The following FAM135A variants were observed in gnomAD, a reference collection of about 807,000 sequenced individuals.
FAM135A encodes the protein protein FAM135A.
Under a neutral mutation model 146.8 loss-of-function variants are expected in FAM135A, and 79 were observed. That is an observed-to-expected ratio of 0.54 (90% CI 0.45 to 0.65). The LOEUF is 0.65. FAM135A is among the 30% of genes least tolerant of loss of function. FAM135A has a pLI of 0.00. For missense variants in FAM135A, 1,623 were observed against 1,758.2 expected, an observed-to-expected ratio of 0.92 and a Z score of 1.38; for synonymous variants, 562 against 603.6, an observed-to-expected ratio of 0.93 and a Z score of 1.01.
chr6:70,520,054 A>T (rs1793214281), intron 12 of FAM135A, among the ~76,000 whole-genome samples: 1 of 151,990 alleles, frequency 6.6e-6, no homozygotes, highest in Non-Finnish European at 1.5e-5. Flanking sequence ...ATTTTGTGTG[A>T]TCTTTTATAG....
At chr6:70,556,683 T>C in intron 20 of FAM135A, 67 bp from the exon 21 acceptor site, 2 of 1,050,282 alleles carry the variant, frequency 1.9e-6, no homozygotes, top group Middle Eastern at 3.1e-4. Flanking sequence ...TCACTTAATA[T>C]GATACTAATA....
At chr6:70,513,994 T>G (rs1014702624) in intron 12 of FAM135A, among the ~76,000 whole-genome samples, 3 of 152,090 alleles carry the variant, frequency 2.0e-5, no homozygotes, top group African/African-American at 4.8e-5. Flanking sequence ...TTGTTTGTTT[T>G]TTTTTGTCTT....
intron 2 of FAM135A, among the ~76,000 whole-genome samples, chr6:70,425,933 T>G (rs9455098): frequency 0.021 from 3,175 of 151,342 alleles, 104 homozygotes; most frequent in African/African-American, 0.073. Context: ...GAAACCCTGT[T>G]TCTACTAAAA....
intron 1 of FAM135A, chr6:70,414,036 A>G (rs912613168): frequency 7.1e-6 from 7 of 985,544 alleles, no homozygotes; most frequent in Non-Finnish European, 8.4e-6. Context: ...CCCCTGCTCC[A>G]TCTTCGTCGC....
At chr6:70,488,376 A>T (rs1390584696) in intron 10 of FAM135A, among the ~76,000 whole-genome samples, 1 of 151,978 alleles carries the variant, frequency 6.6e-6, no homozygotes, top group Non-Finnish European at 1.5e-5. Context: ...TAAAACAGTG[A>T]CTCCAAAACT....
chr6:70,414,529 G>A (rs925231692), intron 1 of FAM135A, among the ~76,000 whole-genome samples: 2 of 135,582 alleles, frequency 1.5e-5, no homozygotes, highest in Non-Finnish European at 3.1e-5. Context: ...CCCCCCATTT[G>A]TATAAGTCAA....
chr6:70,485,974 G>T (rs907900849), intron 10 of FAM135A, among the ~76,000 whole-genome samples: 1 of 152,186 alleles, frequency 6.6e-6, no homozygotes, highest in African/African-American at 2.4e-5. Context: ...ATGTTGAGTG[G>T]CACATACATT....
chr6:70,531,177 C>T (rs1296860468), intron 16 of FAM135A, among the ~76,000 whole-genome samples: 4 of 152,200 alleles, frequency 2.6e-5, no homozygotes, highest in African/African-American at 9.6e-5. Flanking sequence ...TCAAAACACT[C>T]TAATGATAAG....
chr6:70,489,337 A>T (rs1283799419), intron 10 of FAM135A, among the ~76,000 whole-genome samples: 3 of 152,196 alleles, frequency 2.0e-5, no homozygotes, highest in African/African-American at 7.2e-5. Context: ...TTCTTTAGTT[A>T]CCAACAAGTT....
chr6:70,537,710 T>C (rs1324813898), intron 19 of FAM135A, among the ~76,000 whole-genome samples: 1 of 152,158 alleles, frequency 6.6e-6, no homozygotes, highest in Non-Finnish European at 1.5e-5. Flanking sequence ...GAAAACCAAC[T>C]TGAGTGATTG....
In FAM135A at chr6:70,454,333, A is replaced by G. The variant is rs148972343; in HGVS notation, c.157+1762A>G. ...CCCTTTGTCAGATGGGTAGATTGCAAGAATATTCTCCCATTCTGTAGGTTG... is the reference window on the plus strand; with the variant it reads ...CCCTTTGTCAGATGGGTAGATTGCAGGAATATTCTCCCATTCTGTAGGTTG... On this transcript the variant is annotated intron_variant, in intron 5 of 21. Transcript: ENST00000418814. Among the ~76,000 whole-genome samples the G allele has an allele frequency of 2.3e-3, 348 of 152,264 alleles. 4 individuals carry two copies. The highest frequency in any genetic ancestry group is 0.013 in the East Asian group (67 of 5,172).
chr6:70,502,762 T>C lies in FAM135A; in HGVS notation c.1000T>C (p.Leu334=). 6.2e-7 allele frequency: 1 copy of C among 1,612,426 alleles called. No individual in the cohort carries two copies. The highest frequency in any genetic ancestry group is 1.1e-5 in the South Asian group (1 of 90,758). The part of the protein sequence containing the change: ...VITLHEELRI[L]LAQEHHTLRV... ...AACGCTACACGAAGAACTAAGAATA[T>C]TATTAGCACAAGAGCACCATACTTT... The change falls in exon 12 of 22, where the codon TTA becomes CTA. Residue 334 remains leucine (L), a synonymous_variant. Transcript: ENST00000418814.
chr6:70,530,346 A>T (rs1378630902), intron 16 of FAM135A, among the ~76,000 whole-genome samples: 1 of 152,156 alleles, frequency 6.6e-6, no homozygotes, highest in African/African-American at 2.4e-5. Flanking sequence ...ATATATTTCG[A>T]GCCTATAGAA....
intron 20 of FAM135A, among the ~76,000 whole-genome samples, chr6:70,539,169 T>A (rs892867309): frequency 6.6e-6 from 1 of 152,122 alleles, no homozygotes; most frequent in East Asian, 1.9e-4. Context: ...ACAGACTGCC[T>A]TTATTTTCTT....
chr6:70,494,599 A>G (rs1786789447), intron 11 of FAM135A, among the ~76,000 whole-genome samples: 1 of 151,962 alleles, frequency 6.6e-6, no homozygotes, highest in South Asian at 2.1e-4. Flanking sequence ...CTTTTTTAAT[A>G]TAAAAAAGAA....
chr6:70,471,489 C>G (rs1163639256), intron 5 of FAM135A, among the ~76,000 whole-genome samples: 4 of 152,054 alleles, frequency 2.6e-5, no homozygotes, highest in African/African-American at 9.7e-5. Context: ...CATGTTCTCA[C>G]TTATGAGTGG....
chr6:70,547,157 TA>T (rs1224419585), intron 20 of FAM135A, among the ~76,000 whole-genome samples: 1 of 152,170 alleles, frequency 6.6e-6, no homozygotes, highest in Admixed American at 6.5e-5. Flanking sequence ...GTATAGAAAT[TA>T]AATAAAGGTC....
rs760753588 is a variant in FAM135A, at chr6:70,526,119, T to C, written c.3035T>C (p.Ile1012Thr). Residue 1012 changes from isoleucine to threonine, a missense_variant, in exon 15 of 22, where the codon ATC becomes ACC. By Grantham distance (89) the Ile-to-Thr change is moderately conservative (BLOSUM62 -1). This residue lies in a region of FAM135A where 1,061 missense variants were observed against 1,113.8 expected (regional missense o/e 0.95). Transcript: ENST00000418814. Reference protein sequence around the residue: ...VLNLTQMYSEIPTVESETHLG... With the variant: ...VLNLTQMYSETPTVESETHLG... Reference sequence around the variant, plus strand: ...AATCTCACACAGATGTATTCAGAAATCCCTACAGTTGAAAGTGAAACTCAT... The same window carrying C: ...AATCTCACACAGATGTATTCAGAAACCCCTACAGTTGAAAGTGAAACTCAT... 8 of 1,613,464 alleles carry C rather than the reference T, an allele frequency of 5.0e-6. No individual in the cohort carries two copies. The highest frequency in any genetic ancestry group is 6.8e-6 in the Non-Finnish European group (8 of 1,179,702).
chr6:70,444,255 T>A (rs1226483225), intron 4 of FAM135A, among the ~76,000 whole-genome samples: 3 of 152,060 alleles, frequency 2.0e-5, no homozygotes, highest in Non-Finnish European at 2.9e-5. Flanking sequence ...ATACAAAAAT[T>A]AGCTGGGCTT....
Sources: gnomAD v4.1 joint callset for allele counts (sites outside exome capture counted in the v4.1 genomes callset) on GRCh38, gnomAD v4.1.1 for gene constraint, gnomAD v4.1.1 regional missense constraint, MANE v1.5 for transcripts, NCBI Gene and HGNC (gene_info 2026-07-23, HGNC 2026-07-21) for gene names.